PHLPP1: variants seen among roughly 807,000 people sequenced by gnomAD.
PHLPP1 encodes the protein PH domain leucine-rich repeat-containing protein phosphatase 1.
A neutral mutation model predicts 117.2 loss-of-function variants in PHLPP1; 42 were observed. The ratio of observed to expected loss-of-function variants is 0.36; its 90% CI spans 0.28 to 0.46. PHLPP1 has a LOEUF of 0.46. Ranked by LOEUF, PHLPP1 falls within the 20% of genes least tolerant of loss-of-function variation. The pLI is 1.00. For missense variants in PHLPP1, 2,084 were observed against 2,241.9 expected (o/e 0.93, Z 1.42); for synonymous variants, 1,042 against 970.7 (o/e 1.07, Z -1.37).
chr18:62,786,798 G>A (rs1485693443), intron 1 of PHLPP1, among the ~76,000 whole-genome samples: 1 of 152,172 alleles, frequency 6.6e-6, no homozygotes, highest in Non-Finnish European at 1.5e-5. Context: ...TACCAGTTGT[G>A]CCAAAGAAGT....
In PHLPP1 at chr18:62,961,863, T is replaced by A. The variant is rs571213066; in HGVS notation, c.3456-1505T>A. On this transcript the variant is annotated intron_variant, in intron 13 of 16. Transcript: ENST00000262719. The stretch of plus-strand genomic sequence containing the variant: ...TTTGCTAGTAATTGAGAGTAGAAAC[T>A]TTTCTTTAACCATATATTTTTAAAT... 1.9e-4 allele frequency among the ~76,000 whole-genome samples: 29 copies of A among 152,324 alleles called. 1 individual carries two copies. In the South Asian group the frequency reaches 5.6e-3, roughly 29 times the overall value.
At chr18:62,873,014 G>A (rs1915947549) in intron 4 of PHLPP1, among the ~76,000 whole-genome samples, 1 of 141,360 alleles carries the variant, frequency 7.1e-6, no homozygotes, top group Non-Finnish European at 1.5e-5. Context: ...AAAAGAAAAG[G>A]GGAGGTCAGA....
Position 62,716,160 on chromosome 18 carries a change from C to T in PHLPP1, c.477C>T (p.Ala159=). The change falls in exon 1 of 17, where the codon GCC becomes GCT. Residue 159 remains alanine (A), a synonymous_variant. Coordinates refer to ENST00000262719, the MANE Select transcript of PHLPP1 (RefSeq NM_194449.4). The surrounding 1 kb of genome is among the most constrained non-coding windows in gnomAD (Gnocchi z 5.7). ...SHSPGAAGLP[A]SCSASASLCT... ...CCCCCGGCGCTGCCGGCCTCCCCGC[C>T]TCCTGCTCGGCCTCGGCGTCGCTGT... is the stretch of plus-strand genomic sequence containing the variant. 1 of 1,518,856 alleles carries T rather than the reference C, an allele frequency of 6.6e-7. No individual in the cohort carries two copies. Among genetic ancestry groups the T allele is most frequent in the Non-Finnish European group, 8.8e-7 (1 of 1,139,400 alleles). The allele number at this position is 1,518,856 out of a possible 1,614,324, so 94.1% of individuals were successfully genotyped here.
chr18:62,816,715 A>C (rs1401837365), intron 1 of PHLPP1, among the ~76,000 whole-genome samples: 1 of 152,190 alleles, frequency 6.6e-6, no homozygotes. Context: ...TACTATTATC[A>C]GTGGCAATTT....
chr18:62,958,152 C>T (rs528247654), intron 12 of PHLPP1, among the ~76,000 whole-genome samples: 2 of 152,330 alleles, frequency 1.3e-5, no homozygotes, highest in East Asian at 3.9e-4. Context: ...AAACCCCTGA[C>T]CTCAAGTGAT....
intron 3 of PHLPP1, 118 bp downstream of exon 3, chr18:62,839,027 A>G: frequency 9.6e-7 from 1 of 1,044,072 alleles, no homozygotes; most frequent in East Asian, 2.4e-5. Flanking sequence ...TCCTCCCCAG[A>G]TACTGCCAGT....
rs1910723302 is a variant in PHLPP1 at position 62,716,146 on chromosome 18, G to A, written c.463G>A (p.Ala155Thr). ...TGCTGCCTCGCACTCCCCCGGCGCT[G>A]CCGGCCTCCCCGCCTCCTGCTCGGC... ...AAAASHSPGA[A>T]GLPASCSASA... The change falls in exon 1 of 17, where the codon GCC (alanine) becomes ACC (threonine). Residue 155 changes from alanine (A) to threonine (T), a missense_variant. Transcript: ENST00000262719. The surrounding 1 kb of genome is among the most constrained non-coding windows in gnomAD (Gnocchi z 5.7). 14 of 1,517,846 alleles carry A rather than the reference G, an allele frequency of 9.2e-6. No individual in the cohort carries two copies. Among genetic ancestry groups the A allele is most frequent in the Non-Finnish European group, 1.2e-5 (14 of 1,139,046 alleles). 94.0% of individuals were successfully genotyped at this position (1,517,846 alleles called of 1,614,324 possible).
intron 1 of PHLPP1, among the ~76,000 whole-genome samples, chr18:62,754,780 A>C (rs1051714891): frequency 2.8e-4 from 43 of 152,208 alleles, no homozygotes; most frequent in African/African-American, 9.4e-4. Flanking sequence ...AAGAAATAGG[A>C]TTGAGGATGT....
chr18:62,796,619 G>A (rs879781333), intron 1 of PHLPP1, among the ~76,000 whole-genome samples: 53 of 152,172 alleles, frequency 3.5e-4, no homozygotes, highest in Non-Finnish European at 6.0e-4. Flanking sequence ...ATTTGAAATA[G>A]GGAAGAGTTG....
chr18:62,847,945 A>G (rs925301602), intron 3 of PHLPP1, among the ~76,000 whole-genome samples: 7 of 152,204 alleles, frequency 4.6e-5, no homozygotes, highest in African/African-American at 1.7e-4. Context: ...CCTATTTAAT[A>G]ACCTCTCAAT....
intron 12 of PHLPP1, among the ~76,000 whole-genome samples, chr18:62,945,628 G>T (rs1009054023): frequency 6.6e-6 from 1 of 152,094 alleles, no homozygotes; most frequent in Non-Finnish European, 1.5e-5. Context: ...TGGTGTAATC[G>T]CAGTTTGAAA....
At chr18:62,896,052 C>CT in intron 6 of PHLPP1, 41 bp downstream of exon 6, 1 of 1,269,042 alleles carries the variant, frequency 7.9e-7, no homozygotes, top group Non-Finnish European at 1.1e-6. Flanking sequence ...GAGTGGCTGG[C>CT]TTATATTGCA....
chr18:62,956,909 C>T (rs1233328435), intron 12 of PHLPP1, among the ~76,000 whole-genome samples: 1 of 152,086 alleles, frequency 6.6e-6, no homozygotes, highest in Non-Finnish European at 1.5e-5. Context: ...TCTACCCTTC[C>T]CCAATCCCTA....
At position 62,878,644 on chromosome 18, in the gene PHLPP1, A is replaced by G. The variant is rs1413647623; in HGVS notation, c.2067-16367A>G. Among the ~76,000 whole-genome samples, 3 of 152,194 alleles carry G rather than the reference A, an allele frequency of 2.0e-5. No individual in the cohort carries two copies. The South Asian group carries it at 6.2e-4, about 31-fold the overall frequency. ...AGTGACCTCTGTAAAAGCAGGGCAC[A>G]CCCATTCCTCCCTGGTGATGTCTTT... On this transcript the variant is annotated intron_variant, in intron 4 of 16. Transcript: ENST00000262719.
At chr18:62,763,135 C>G (rs1912313443) in intron 1 of PHLPP1, among the ~76,000 whole-genome samples, 1 of 152,150 alleles carries the variant, frequency 6.6e-6, no homozygotes, top group Non-Finnish European at 1.5e-5. Flanking sequence ...TTTTTGTTCT[C>G]TAGCAATCAC....
At position 62,972,677 on chromosome 18, in the gene PHLPP1, T is replaced by C. The variant is rs755566317; in HGVS notation, c.3724T>C (p.Tyr1242His). 6.2e-7 allele frequency: 1 copy of C among 1,613,504 alleles called. No individual in the cohort carries two copies. The highest frequency in any genetic ancestry group is 1.1e-5 in the South Asian group (1 of 91,076). ...ELQKTKNEEEYMVNTFIVMQR... is the reference protein window; with the variant it reads ...ELQKTKNEEEHMVNTFIVMQR... ...GCAAAAAACAAAAAACGAAGAAGAA[T>C]ACATGGTCAATACATTCATTGTCAT... is the stretch of plus-strand genomic sequence containing the variant. The change falls in exon 15 of 17, where the codon TAC (tyrosine) becomes CAC (histidine). Residue 1242 changes from tyrosine to histidine, a missense_variant. This residue lies in a region of PHLPP1 where 1,365 missense variants were observed against 1,605.9 expected (regional missense o/e 0.85). Coordinates refer to ENST00000262719, the MANE Select transcript of PHLPP1 (RefSeq NM_194449.4).
chr18:62,838,768 CTGTT>C lies in PHLPP1; in HGVS notation c.1774-13_1774-10del, dbSNP rs1914977806. The C allele has an allele frequency of 6.2e-7, 1 of 1,608,590 alleles. No homozygotes were observed. Among genetic ancestry groups the C allele is most frequent in the Non-Finnish European group, 8.5e-7 (1 of 1,177,462 alleles). On this transcript the variant is annotated splice_polypyrimidine_tract_variant and intron_variant, in intron 2 of 16. Transcript: ENST00000262719. ...CTGTCTGACTTGTTTCTGCTTCTCT[CTGTT>C]TGCTTTTATAGGTAGAAGAAGTGAA...
chr18:62,889,019 A>G (rs933019852), intron 4 of PHLPP1, among the ~76,000 whole-genome samples: 4 of 152,200 alleles, frequency 2.6e-5, no homozygotes, highest in Non-Finnish European at 5.9e-5. Context: ...TGGATCTGCA[A>G]ATGTCCTATA....
intron 1 of PHLPP1, among the ~76,000 whole-genome samples, chr18:62,789,307 C>T (rs973559685): frequency 1.3e-5 from 2 of 151,210 alleles, no homozygotes; most frequent in African/African-American, 2.4e-5. Flanking sequence ...TTAAAAGAAT[C>T]GTTGCTTGAA....
Sources: gnomAD v4.1 joint callset for allele counts (sites outside exome capture counted in the v4.1 genomes callset) on GRCh38, gnomAD v4.1.1 for gene constraint, gnomAD v4.1.1 regional missense constraint, Gnocchi (gnomAD v3.1) non-coding constraint, MANE v1.5 for transcripts, NCBI Gene and HGNC (gene_info 2026-07-23, HGNC 2026-07-21) for gene names.